COL22A1: variants seen among roughly 807,000 people sequenced by gnomAD.
The protein encoded by COL22A1 is collagen type XXII alpha 1 chain.
In COL22A1, 221 loss-of-function variants were observed where a neutral mutation model predicts 248.9. The observed-to-expected ratio is 0.89, with a 90% CI of 0.80 to 0.99. COL22A1 has a LOEUF of 0.99. Among genes scored for constraint, COL22A1 ranks in the 50% least tolerant of loss-of-function variants. The pLI is 0.00. For missense variants in COL22A1, 2,240 were observed against 2,179.0 expected (o/e 1.03, Z -0.56); for synonymous variants, 891 against 793.4 (o/e 1.12, Z -2.07).
At chr8:138,740,031 C>T (rs779377568) in intron 22 of COL22A1, among the ~76,000 whole-genome samples, 18 of 152,166 alleles carry the variant, frequency 1.2e-4, no homozygotes, top group Non-Finnish European at 2.4e-4. Flanking sequence ...ATGCAGACAT[C>T]GGGAAGCTGA....
At chr8:138,676,534 A>C in intron 41 of COL22A1, 24 bp downstream of exon 41, 3 of 1,525,150 alleles carry the variant, frequency 2.0e-6, no homozygotes, top group Non-Finnish European at 2.7e-6. Flanking sequence ...AAAGCAAGTA[A>C]GAGCTGGATA....
intron 3 of COL22A1, among the ~76,000 whole-genome samples, chr8:138,847,936 G>T (rs747108891): frequency 2.6e-4 from 39 of 152,188 alleles, no homozygotes; most frequent in African/African-American, 9.4e-4. Flanking sequence ...CAGCTGGAAG[G>T]TCAGATTCTC....
At position 138,592,937 on chromosome 8, in the gene COL22A1, A is replaced by G. The variant is rs139671564; in HGVS notation, c.4615+1080T>C. ...GCACACGTATGTTTATTGCAGCACT[A>G]TTTACAATAGCAAAGACTTGGAACC... On this transcript the variant is annotated intron_variant, in intron 63 of 64. Coordinates refer to ENST00000303045, the MANE Select transcript of COL22A1 (RefSeq NM_152888.3). Among the ~76,000 whole-genome samples the G allele has an allele frequency of 7.3e-3, 1,116 of 152,326 alleles. 10 individuals carry two copies. Among genetic ancestry groups the G allele is most frequent in the Non-Finnish European group, 0.011 (777 of 68,034 alleles).
At position 138,619,491 on chromosome 8, in the gene COL22A1, T is replaced by A; in HGVS notation, c.3789A>T (p.Pro1263=). 6.2e-7 allele frequency: 1 copy of A among 1,614,166 alleles called. No homozygotes were observed. The highest frequency in any genetic ancestry group is 8.5e-7 in the Non-Finnish European group (1 of 1,180,000). Residue 1263 remains proline, a synonymous_variant, in exon 53 of 65, where the codon CCA becomes CCT. Transcript: ENST00000303045. ...PPGEPGKAGE[P]GLPGPEGARG... is the part of the protein sequence containing the mutation. ...GGGCACCCTCTGGTCCTGGTAGACC[T>A]GGCTCTCCTGCTTTGCCCTGAGAGT...
At chr8:138,616,770 GTGCTGGCTTGCTCCA>G in intron 54 of COL22A1, 129 bp downstream of exon 54, 1 of 876,758 alleles carries the variant, frequency 1.1e-6, no homozygotes, top group Non-Finnish European at 1.8e-6. Flanking sequence ...AGGTGTCCCT[GTGCTGGCTTGCTCCA>G]TGCTGGTGTG....
chr8:138,707,827 G>A (rs1828601494), intron 30 of COL22A1, among the ~76,000 whole-genome samples: 1 of 152,138 alleles, frequency 6.6e-6, no homozygotes, highest in African/African-American at 2.4e-5. Flanking sequence ...ATTCAATTAG[G>A]AAAAGAGGAA....
intron 53 of COL22A1, 142 bp from the exon 54 acceptor site, chr8:138,617,100 G>A (rs1017612396): frequency 1.2e-6 from 1 of 823,778 alleles, no homozygotes; most frequent in South Asian, 1.5e-5. Context: ...CCTACTTGGT[G>A]CCATGCTCGG....
In COL22A1 at chr8:138,660,582, CAGTG is replaced by C. The variant is rs1823734525; in HGVS notation, c.3241-106_3241-103del. ...ATCTCTCTATCTGCTAAGTGTAACTCAGTGGGGAAAAAAAATCATCAGACCATGA... is the reference window on the plus strand; with the variant it reads ...ATCTCTCTATCTGCTAAGTGTAACTCGGGAAAAAAAATCATCAGACCATGA... On this transcript the variant is annotated intron_variant, in intron 43 of 64. Coordinates refer to ENST00000303045, the MANE Select transcript of COL22A1 (RefSeq NM_152888.3). 1.1e-4 allele frequency: 108 copies of C among 1,024,324 alleles called. No individual in the cohort carries two copies. The South Asian group carries it at 1.5e-3, about 14-fold the overall frequency. The allele number at this position is 1,024,324 out of a possible 1,614,324, so 63.5% of individuals were successfully genotyped here. A position where few individuals can be genotyped will look rare whatever the true frequency, so the allele number is the denominator to read the frequency against.
At chr8:138,681,694 G>C (rs945054675) in intron 39 of COL22A1, among the ~76,000 whole-genome samples, 8 of 152,168 alleles carry the variant, frequency 5.3e-5, no homozygotes, top group Admixed American at 2.0e-4. Flanking sequence ...GGTGGTTAAT[G>C]CACAAAATCC....
intron 31 of COL22A1, 72 bp downstream of exon 31, chr8:138,703,234 G>T (rs1047830780): frequency 5.1e-5 from 68 of 1,337,498 alleles, no homozygotes; most frequent in Non-Finnish European, 6.7e-5. Context: ...AGTAGTGGCA[G>T]TTGCTGGAGG....
chr8:138,620,017 G>A (rs945479578), intron 52 of COL22A1: 1 of 166,208 alleles, frequency 6.0e-6, no homozygotes, highest in Admixed American at 5.6e-5. Flanking sequence ...CTACTGGCAG[G>A]GCGACCTGTG....
chr8:138,848,289 G>GT (rs1389551829), intron 3 of COL22A1, among the ~76,000 whole-genome samples: 1 of 152,078 alleles, frequency 6.6e-6, no homozygotes, highest in East Asian at 1.9e-4. Flanking sequence ...CACTCTCTAG[G>GT]TAAGTGGAAC....
intron 3 of COL22A1, among the ~76,000 whole-genome samples, chr8:138,858,719 G>A (rs1281544120): frequency 1.3e-5 from 2 of 152,190 alleles, no homozygotes; most frequent in East Asian, 3.9e-4. Flanking sequence ...GAGGGTTGCT[G>A]AGCAGGCAGG....
At chr8:138,603,925 ATTC>A (rs1818232913) in intron 59 of COL22A1, among the ~76,000 whole-genome samples, 1 of 152,200 alleles carries the variant, frequency 6.6e-6, no homozygotes, top group Admixed American at 6.5e-5. Context: ...GCATTCAGTC[ATTC>A]TTCTGTTCAT....
intron 9 of COL22A1, among the ~76,000 whole-genome samples, chr8:138,810,849 C>A (rs7838300): frequency 6.6e-6 from 1 of 151,934 alleles, no homozygotes; most frequent in African/African-American, 2.4e-5. Context: ...TAACTCCCAC[C>A]GTCATCTCGT....
chr8:138,728,742 C>A (rs564953617), intron 23 of COL22A1, among the ~76,000 whole-genome samples: 1 of 152,202 alleles, frequency 6.6e-6, no homozygotes, highest in African/African-American at 2.4e-5. Flanking sequence ...TTAGGTCACA[C>A]AGCCATCATC....
At chr8:138,598,922 G>A (rs1356263327) in intron 60 of COL22A1, 24 bp from the exon 61 acceptor site, 1 of 1,612,864 alleles carries the variant, frequency 6.2e-7, no homozygotes, top group South Asian at 1.1e-5. Context: ...AAGCATGTCA[G>A]CATGTGTCTC....
chr8:138,737,223 C>G (rs184716135), intron 23 of COL22A1, among the ~76,000 whole-genome samples: 298 of 152,310 alleles, frequency 2.0e-3, no homozygotes, highest in African/African-American at 6.8e-3. Context: ...CCACCTCGTC[C>G]TGGGGTCCCC....
At position 138,831,573 on chromosome 8, in the gene COL22A1, C is replaced by T. The variant is rs555504580; in HGVS notation, c.845+1466G>A. 1.1e-3 allele frequency among the ~76,000 whole-genome samples: 166 copies of T among 152,264 alleles called. 1 individual carries two copies. Among genetic ancestry groups the T allele is most frequent in the Admixed American group, 6.1e-3 (93 of 15,294 alleles). On this transcript the variant is annotated intron_variant, in intron 5 of 64. Transcript: ENST00000303045. The stretch of plus-strand genomic sequence containing the variant: ...CTAGAGAGCATAATGGGTGAGCATG[C>T]TTTGCAGGATGAGCAGGGCACGTGT...
Sources: gnomAD v4.1 joint callset for allele counts (sites outside exome capture counted in the v4.1 genomes callset) on GRCh38, gnomAD v4.1.1 for gene constraint, MANE v1.5 for transcripts, NCBI Gene and HGNC (gene_info 2026-07-23, HGNC 2026-07-21) for gene names.